Variants in SOAT1 observed in about 807,000 individuals in gnomAD.
The protein encoded by SOAT1 is sterol O-acyltransferase 1.
A neutral mutation model predicts 69.5 loss-of-function variants in SOAT1; 55 were observed. The observed-to-expected ratio is 0.79, with a 90% CI of 0.64 to 0.99. The LOEUF (loss-of-function observed/expected upper bound fraction) is 0.99, where lower values mean the gene tolerates loss of function less well. Among genes scored for constraint, SOAT1 ranks in the 50% least tolerant of loss-of-function variants. The pLI is 0.00. For synonymous variants in SOAT1, 231 were observed against 224.7 expected, an observed-to-expected ratio of 1.03 and a Z score of -0.25; for missense variants, 580 against 669.3, an observed-to-expected ratio of 0.87 and a Z score of 1.47.
intron 1 of SOAT1, among the ~76,000 whole-genome samples, chr1:179,295,659 A>G (rs1053827166): frequency 2.6e-5 from 4 of 152,216 alleles, no homozygotes; most frequent in African/African-American, 7.2e-5. Flanking sequence ...GAGAGATACC[A>G]TGTTCAAGTG....
At chr1:179,302,351 C>G (rs143076582) in intron 1 of SOAT1, among the ~76,000 whole-genome samples, 4 of 152,138 alleles carry the variant, frequency 2.6e-5, no homozygotes, top group Non-Finnish European at 4.4e-5. Context: ...GTAATCACCA[C>G]GTGTCTAGGG....
At position 179,356,445 on chromosome 1, in the gene SOAT1, A is replaced by G. The variant is rs1413250870; in HGVS notation, c.*2804A>G. 6.9e-6 allele frequency: 1 copy of G among 144,256 alleles called. No homozygotes were observed. Among genetic ancestry groups the G allele is most frequent in the African/African-American group, 2.6e-5 (1 of 39,194 alleles). The allele number at this position is 144,256 out of a possible 1,614,324, so 8.9% of individuals were successfully genotyped here. On this transcript the variant is annotated 3_prime_UTR_variant, in exon 16 of 16. Coordinates refer to ENST00000367619, the MANE Select transcript of SOAT1 (RefSeq NM_003101.6). ...AGTTGCTTGCCTCATGTTAGAATTTAATTAGAAAACTGAGGCTGCCTTTTT... is the reference window on the plus strand; with the variant it reads ...AGTTGCTTGCCTCATGTTAGAATTTGATTAGAAAACTGAGGCTGCCTTTTT...
At chr1:179,337,092 G>T in intron 4 of SOAT1, among the ~76,000 whole-genome samples, 1 of 152,116 alleles carries the variant, frequency 6.6e-6, no homozygotes, top group East Asian at 1.9e-4. Context: ...CTAATTGATG[G>T]TTCATCCAGA....
intron 2 of SOAT1, among the ~76,000 whole-genome samples, chr1:179,313,792 C>G (rs1246583160): frequency 6.6e-6 from 1 of 152,118 alleles, no homozygotes; most frequent in East Asian, 1.9e-4. Flanking sequence ...CCATGTTGGT[C>G]AGGCTGGTCT....
intron 11 of SOAT1, among the ~76,000 whole-genome samples, chr1:179,347,172 C>A (rs1050635638): frequency 1.3e-5 from 2 of 152,018 alleles, no homozygotes; most frequent in Non-Finnish European, 2.9e-5. Flanking sequence ...GCCTGGCCAA[C>A]ATGGTGAAAC....
At chr1:179,306,189 G>C (rs919306738) in intron 2 of SOAT1, among the ~76,000 whole-genome samples, 1 of 152,116 alleles carries the variant, frequency 6.6e-6, no homozygotes. Flanking sequence ...AGAGCAAATT[G>C]GAAAGGCCAG....
At chr1:179,317,619 A>G (rs757515852) in intron 2 of SOAT1, among the ~76,000 whole-genome samples, 3 of 151,298 alleles carry the variant, frequency 2.0e-5, no homozygotes, top group Non-Finnish European at 4.4e-5. Flanking sequence ...TCATCTGCCA[A>G]AGTGATAGTT....
chr1:179,340,967 T>C, intron 6 of SOAT1, 61 bp from the exon 7 acceptor site: 1 of 1,495,400 alleles, frequency 6.7e-7, no homozygotes, highest in Non-Finnish European at 9.1e-7. Context: ...TTAAATTCTG[T>C]GAACTCAGTG....
At chr1:179,295,960 C>G (rs923844748) in intron 1 of SOAT1, among the ~76,000 whole-genome samples, 1 of 146,132 alleles carries the variant, frequency 6.8e-6, no homozygotes, top group Non-Finnish European at 1.5e-5. Context: ...CTACCACGCC[C>G]GGCTAATTTT....
At chr1:179,306,104 T>G (rs1664994121) in intron 2 of SOAT1, among the ~76,000 whole-genome samples, 1 of 152,122 alleles carries the variant, frequency 6.6e-6, no homozygotes, top group Admixed American at 6.6e-5. Context: ...TGTGTGGTGT[T>G]TTGTTTGCTT....
In SOAT1 at chr1:179,313,595, T is replaced by TA. The variant is rs200045307; in HGVS notation, c.119-9842_119-9841insA. 5.9e-3 allele frequency among the ~76,000 whole-genome samples: 894 copies of TA among 151,304 alleles called. 9 individuals carry two copies. Among genetic ancestry groups the TA allele is most frequent in the African/African-American group, 0.02 (813 of 41,240 alleles). On this transcript the variant is annotated intron_variant, in intron 2 of 15. Transcript: ENST00000367619. ...GTGTGTATATATATGTATATATATA[T>TA]TTTTTTTAGACAGAGTTTTGCTTTT...
At chr1:179,322,994 G>A (rs752080851) in intron 2 of SOAT1, among the ~76,000 whole-genome samples, 3 of 144,824 alleles carry the variant, frequency 2.1e-5, no homozygotes, top group East Asian at 2.0e-4. Context: ...GAATCCTTAC[G>A]TTTCTTATAT....
chr1:179,323,041 C>CT (rs1665658486), intron 2 of SOAT1, among the ~76,000 whole-genome samples: 7 of 98,706 alleles, frequency 7.1e-5, no homozygotes, highest in African/African-American at 1.1e-4. Flanking sequence ...CTTTTCTTTT[C>CT]TTTCTTTTTT....
At chr1:179,343,030 T>A in intron 9 of SOAT1, 87 bp downstream of exon 9, 1 of 966,808 alleles carries the variant, frequency 1.0e-6, no homozygotes, top group Non-Finnish European at 1.7e-6. Flanking sequence ...CCAGTTCATG[T>A]AGGGACATAG....
chr1:179,315,830 ATCC>A (rs1665373135), intron 2 of SOAT1, among the ~76,000 whole-genome samples: 1 of 152,172 alleles, frequency 6.6e-6, no homozygotes, highest in South Asian at 2.1e-4. Context: ...CTCCTTACCA[ATCC>A]TCCTCTCCCA....
rs190313801 is a variant in SOAT1 at position 179,304,981 on chromosome 1, C to T, written c.118+2179C>T. ...AATTTTTTAGTAATATATTTGCATA[C>T]CATTAAAGTCACCATTTTAAAGTTT... On this transcript the variant is annotated intron_variant, in intron 2 of 15. Coordinates refer to ENST00000367619, the MANE Select transcript of SOAT1 (RefSeq NM_003101.6). 1.3e-3 allele frequency among the ~76,000 whole-genome samples: 194 copies of T among 152,236 alleles called. 1 individual carries two copies. The highest frequency in any genetic ancestry group is 4.2e-3 in the African/African-American group (176 of 41,548).
rs555454695 is a variant in SOAT1 at position 179,358,238 on chromosome 1, G to C, written c.*4597G>C. 1 of 152,246 alleles carries C rather than the reference G, an allele frequency of 6.6e-6. No individual in the cohort carries two copies. Among genetic ancestry groups the C allele is most frequent in the East Asian group, 1.9e-4 (1 of 5,184 alleles). 9.4% of individuals were successfully genotyped at this position (152,246 alleles called of 1,614,324 possible). ...TATATTAGTCAAGCATATTATTAAA[G>C]TTTAAAAAACTCTAAAACTTCTGTA... On this transcript the variant is annotated 3_prime_UTR_variant, in exon 16 of 16. Transcript: ENST00000367619.
chr1:179,345,568 C>CT (rs77132970), intron 11 of SOAT1, among the ~76,000 whole-genome samples: 6,883 of 144,562 alleles, frequency 0.048, 221 homozygotes, highest in Non-Finnish European at 0.071. Context: ...GTTTTCTTGC[C>CT]TTTTTTTTTT....
At chr1:179,348,627 A>G (rs1386034117) in intron 12 of SOAT1, among the ~76,000 whole-genome samples, 1 of 152,202 alleles carries the variant, frequency 6.6e-6, no homozygotes, top group Non-Finnish European at 1.5e-5. Context: ...TGTCATATTC[A>G]ACACTAATAA....
Sources: allele counts gnomAD v4.1 joint callset (sites outside exome capture counted in the v4.1 genomes callset), GRCh38; gene constraint gnomAD v4.1.1; transcripts MANE v1.5; gene names NCBI Gene and HGNC (gene_info 2026-07-23, HGNC 2026-07-21).